The following ASAP2 variants were observed in gnomAD, a reference collection of about 807,000 sequenced individuals.
ASAP2 encodes ArfGAP with SH3 domain, ankyrin repeat and PH domain 2.
Under a neutral mutation model 131.4 loss-of-function variants are expected in ASAP2, and 45 were observed. That is an observed-to-expected ratio of 0.34 (90% confidence interval 0.27 to 0.44). ASAP2 has a LOEUF of 0.44. ASAP2 is among the 20% of genes least tolerant of loss of function. The pLI is 1.00. For missense variants in ASAP2, 1,011 were observed against 1,297.0 expected (o/e 0.78, Z 3.39); for synonymous variants, 510 against 503.0 (o/e 1.01, Z -0.19).
chr2:9,291,148 T>A (rs1476684894), intron 2 of ASAP2, among the ~76,000 whole-genome samples: 3 of 152,250 alleles, frequency 2.0e-5, no homozygotes, highest in Non-Finnish European at 2.9e-5. Context: ...ACCATTTTCA[T>A]ATTGTTGGAA....
rs1026631803 is a variant in ASAP2, at chr2:9,230,336, C to A, written c.126+23106C>A. ...CAGTGTTGGGGACCCAGAGGGGCTG[C>A]GTGGGCCTGCTGCCACTGCGAGCCT... is the stretch of plus-strand genomic sequence containing the variant. On this transcript the variant is annotated intron_variant, in intron 1 of 27. Transcript: ENST00000281419. Among the ~76,000 whole-genome samples the A allele has an allele frequency of 2.0e-5, 3 of 152,128 alleles. No individual in the cohort carries two copies. In the East Asian group the frequency reaches 5.8e-4, roughly 29 times the overall value.
chr2:9,310,744 T>A (rs1031020270), intron 3 of ASAP2, among the ~76,000 whole-genome samples: 5 of 152,118 alleles, frequency 3.3e-5, no homozygotes, highest in Non-Finnish European at 7.4e-5. Flanking sequence ...GTGACAGATC[T>A]ACAGGCAAGG....
At chr2:9,244,525 C>CAG (rs1664200036) in intron 1 of ASAP2, among the ~76,000 whole-genome samples, 1 of 152,316 alleles carries the variant, frequency 6.6e-6, no homozygotes, top group Non-Finnish European at 1.5e-5. Context: ...GCTCCTAGCA[C>CAG]AGAGTGTGCG....
intron 1 of ASAP2, among the ~76,000 whole-genome samples, chr2:9,253,532 C>T (rs762543207): frequency 3.9e-5 from 6 of 152,190 alleles, no homozygotes; most frequent in Non-Finnish European, 8.8e-5. Context: ...ACAGATGTAA[C>T]GTAGCAGAGT....
intron 18 of ASAP2, 110 bp downstream of exon 18, chr2:9,377,103 G>A: frequency 4.3e-6 from 4 of 933,962 alleles, no homozygotes; most frequent in Non-Finnish European, 6.6e-6. Context: ...AACCTTCCCA[G>A]TTCTAAACAT....
At chr2:9,243,331 A>G (rs1243513905) in intron 1 of ASAP2, among the ~76,000 whole-genome samples, 2 of 152,142 alleles carry the variant, frequency 1.3e-5, no homozygotes, top group East Asian at 3.9e-4. Context: ...GATGGTCTCG[A>G]TCTCCTGACC....
At chr2:9,270,784 C>CTTTTTTTTTT (rs1666294703) in intron 1 of ASAP2, among the ~76,000 whole-genome samples, 2 of 69,738 alleles carry the variant, frequency 2.9e-5, no homozygotes, top group African/African-American at 5.1e-5. Context: ...CAATTGTTTT[C>CTTTTTTTTTT]ATTTTTTTTT....
rs1663272196 is a variant in ASAP2, at chr2:9,232,948, G to A, written c.126+25718G>A. On this transcript the variant is annotated intron_variant, in intron 1 of 27. Transcript: ENST00000281419. This position sits in a 1 kb window ranked among gnomAD's most constrained non-coding sequence, Gnocchi z 4.1. The stretch of plus-strand genomic sequence containing the variant: ...GAATTCCACGTTAGACGTGTTCCCA[G>A]CTGCAGTTTTGTTCTGTATCTATTG... 6.6e-6 allele frequency among the ~76,000 whole-genome samples: 1 copy of A among 152,238 alleles called. No individual in the cohort carries two copies. The highest frequency in any genetic ancestry group is 1.9e-4 in the East Asian group (1 of 5,200).
In ASAP2 at chr2:9,344,580, G is replaced by A; in HGVS notation, c.898G>A (p.Gly300Arg). The A allele has an allele frequency of 1.2e-6, 2 of 1,614,144 alleles. No homozygotes were observed. The highest frequency in any genetic ancestry group is 1.7e-6 in the Non-Finnish European group (2 of 1,180,034). The change falls in exon 10 of 28, where the codon GGA becomes AGA. Residue 300 changes from glycine (G) to arginine (R), a missense_variant. Physicochemically the swap from Gly to Arg is moderately radical, Grantham distance 125. Transcript: ENST00000281419. ...STAYSLHQPQ[G>R]NKEHGTERNG... ...AGCTTATAGCTTACATCAGCCTCAG[G>A]GAAACAAGGAACATGGGACCGAGCG...
At chr2:9,342,319 T>C (rs929219753) in intron 9 of ASAP2, among the ~76,000 whole-genome samples, 7 of 152,234 alleles carry the variant, frequency 4.6e-5, no homozygotes, top group Non-Finnish European at 1.0e-4. Context: ...GAGAGACATA[T>C]AGACCAATGA....
chr2:9,355,932 A>G, intron 12 of ASAP2, 115 bp from the exon 13 acceptor site: 2 of 1,289,812 alleles, frequency 1.6e-6, no homozygotes, highest in South Asian at 1.3e-5. Flanking sequence ...ACAAATCAGT[A>G]ATTTCGTAAC....
intron 12 of ASAP2, among the ~76,000 whole-genome samples, chr2:9,354,519 C>T (rs1672560830): frequency 6.6e-6 from 1 of 152,092 alleles, no homozygotes; most frequent in Non-Finnish European, 1.5e-5. Context: ...CGCCTGTCAT[C>T]TCAGTACTTT....
intron 3 of ASAP2, among the ~76,000 whole-genome samples, chr2:9,317,453 CA>C (rs1056699894): frequency 0.02 from 3 of 152 alleles, no homozygotes; most frequent in African/African-American, 0.052. Flanking sequence ...CTCACACACA[CA>C]TGTGCATTCA....
intron 11 of ASAP2, among the ~76,000 whole-genome samples, chr2:9,347,510 G>A (rs1349562532): frequency 6.6e-6 from 1 of 152,198 alleles, no homozygotes; most frequent in Non-Finnish European, 1.5e-5. Context: ...TGCGAAGCAG[G>A]TCTTTAAGAA....
intron 14 of ASAP2, among the ~76,000 whole-genome samples, chr2:9,356,551 C>G (rs1395223239): frequency 1.3e-5 from 2 of 152,206 alleles, no homozygotes; most frequent in East Asian, 3.9e-4. Context: ...CCTGCCGGGC[C>G]CCAGAGCAGG....
intron 5 of ASAP2, among the ~76,000 whole-genome samples, chr2:9,320,899 C>T (rs1006344754): frequency 2.6e-5 from 4 of 152,276 alleles, no homozygotes; most frequent in African/African-American, 7.2e-5. Flanking sequence ...TTTCCTGACC[C>T]GAAGTCAACC....
At chr2:9,322,488 G>A (rs575500714) in intron 5 of ASAP2, among the ~76,000 whole-genome samples, 70 of 150,954 alleles carry the variant, frequency 4.6e-4, no homozygotes, top group African/African-American at 1.7e-3. Context: ...AAAAACTCAC[G>A]GCTATTTCAA....
At chr2:9,367,671 G>A (rs761297328) in intron 15 of ASAP2, among the ~76,000 whole-genome samples, 163 of 152,232 alleles carry the variant, frequency 1.1e-3, no homozygotes, top group Middle Eastern at 6.8e-3. Flanking sequence ...TGAGGTAGGA[G>A]GGTCACCTGA....
chr2:9,274,895 T>C (rs768448683), intron 1 of ASAP2, among the ~76,000 whole-genome samples: 61 of 152,182 alleles, frequency 4.0e-4, no homozygotes, highest in Non-Finnish European at 6.9e-4. Flanking sequence ...GAAGATTCCA[T>C]ATGGTGACCT....
Sources: allele counts gnomAD v4.1 joint callset (sites outside exome capture counted in the v4.1 genomes callset), GRCh38; gene constraint gnomAD v4.1.1; non-coding constraint Gnocchi (gnomAD v3.1); transcripts MANE v1.5; gene names NCBI Gene and HGNC (gene_info 2026-07-23, HGNC 2026-07-21).